Variants in SUGCT observed in about 807,000 individuals in gnomAD.
The protein encoded by SUGCT is succinyl-CoA:glutarate CoA-transferase.
Under a neutral mutation model 55.0 loss-of-function variants are expected in SUGCT, and 41 were observed. The ratio of observed to expected loss-of-function variants is 0.74; its 90% confidence interval spans 0.58 to 0.97. The LOEUF is 0.97. Ranked by LOEUF, SUGCT falls within the 50% of genes least tolerant of loss-of-function variation. The pLI is 0.00. For missense variants in SUGCT, 568 were observed against 547.8 expected, an observed-to-expected ratio of 1.04 and a Z score of -0.37; for synonymous variants, 187 against 200.4, an observed-to-expected ratio of 0.93 and a Z score of 0.56.
chr7:40,933,625 T>C, the SUGCT span, among the ~76,000 whole-genome samples: 1 of 152,176 alleles, frequency 6.6e-6, no homozygotes, highest in Non-Finnish European at 1.5e-5. Context: ...GGAGGCTTTG[T>C]TCATTTCTTT....
At chr7:40,520,909 G>T (rs1191287637) in intron 12 of SUGCT, among the ~76,000 whole-genome samples, 2 of 152,122 alleles carry the variant, frequency 1.3e-5, no homozygotes, top group Admixed American at 6.6e-5. Context: ...CCTTCAGATT[G>T]TCAGGTATAC....
chr7:40,334,747 T>C (rs1450289026), intron 9 of SUGCT, among the ~76,000 whole-genome samples: 3 of 152,250 alleles, frequency 2.0e-5, no homozygotes, highest in African/African-American at 7.2e-5. Context: ...GCGGAAGCTC[T>C]TTTGTTTAAT....
intron 9 of SUGCT, among the ~76,000 whole-genome samples, chr7:40,341,160 T>C (rs1797022900): frequency 6.6e-6 from 1 of 152,214 alleles, no homozygotes. Context: ...TACAATCTAT[T>C]GACTGTTGAA....
intron 12 of SUGCT, among the ~76,000 whole-genome samples, chr7:40,694,588 A>G (rs984663982): frequency 6.6e-6 from 1 of 152,146 alleles, no homozygotes; most frequent in Non-Finnish European, 1.5e-5. Context: ...CTTATCCCAG[A>G]TTTTGTGGGG....
chr7:40,436,190 A>G lies in SUGCT; in HGVS notation c.817-13097A>G, dbSNP rs529219904. Among the ~76,000 whole-genome samples, 4 of 151,186 alleles carry G rather than the reference A, an allele frequency of 2.6e-5. 1 individual carries two copies. The highest frequency in any genetic ancestry group is 3.4e-3 in the Middle Eastern group (1 of 290). On this transcript the variant is annotated intron_variant, in intron 9 of 13. Coordinates refer to ENST00000335693, the MANE Select transcript of SUGCT (RefSeq NM_001193313.2). ...ACTCCTGACCTCAGGTGATCCTCCC[A>G]CCTCTGCCTCCCAAAGTGCTGGGAT...
chr7:40,885,776 A>G, the SUGCT span, among the ~76,000 whole-genome samples: 1 of 152,034 alleles, frequency 6.6e-6, no homozygotes, highest in Admixed American at 6.5e-5. Context: ...GGCCACATAA[A>G]ACACTTCCCT....
At chr7:40,568,998 C>G (rs1017175480) in intron 12 of SUGCT, among the ~76,000 whole-genome samples, 2 of 152,108 alleles carry the variant, frequency 1.3e-5, no homozygotes, top group African/African-American at 4.8e-5. Context: ...TAACACCTAC[C>G]TTTAAGGATT....
At position 40,496,373 on chromosome 7, in the gene SUGCT, T is replaced by C; in HGVS notation, c.1076T>C (p.Phe359Ser). 1 of 1,611,412 alleles carries C rather than the reference T, an allele frequency of 6.2e-7. No individual in the cohort carries two copies. Among genetic ancestry groups the C allele is most frequent in the Non-Finnish European group, 8.5e-7 (1 of 1,178,276 alleles). ...YGPINNMKNVFAEPQVLHNGL... is the reference protein window; with the variant it reads ...YGPINNMKNVSAEPQVLHNGL... ...CCAATCAACAACATGAAGAATGTAT[T>C]TGCAGAACCTCAGGTTTGTTTTTGA... The change falls in exon 12 of 14, where the codon TTT becomes TCT. Residue 359 changes from phenylalanine (F) to serine (S), a missense_variant. By Grantham distance (155) the Phe-to-Ser change is radical. Coordinates refer to ENST00000335693, the MANE Select transcript of SUGCT (RefSeq NM_001193313.2).
At chr7:40,963,472 A>G in the SUGCT span, among the ~76,000 whole-genome samples, 2 of 152,210 alleles carry the variant, frequency 1.3e-5, no homozygotes, top group Non-Finnish European at 2.9e-5. Context: ...GAATGAAATA[A>G]TTACATCTGT....
intron 11 of SUGCT, among the ~76,000 whole-genome samples, chr7:40,489,873 G>A (rs1252557471): frequency 4.6e-5 from 7 of 152,120 alleles, no homozygotes; most frequent in Admixed American, 4.6e-4. Context: ...GATCCTTGTG[G>A]TTGTGTTTTG....
chr7:40,295,003 G>C (rs532185337), intron 8 of SUGCT, among the ~76,000 whole-genome samples: 1 of 152,296 alleles, frequency 6.6e-6, no homozygotes, highest in South Asian at 2.1e-4. Flanking sequence ...TGTTTTATTA[G>C]TGTACGTGCA....
chr7:40,899,174 C>G, the SUGCT span, among the ~76,000 whole-genome samples: 1 of 152,184 alleles, frequency 6.6e-6, no homozygotes, highest in Non-Finnish European at 1.5e-5. Context: ...TTAACTTGTG[C>G]TGTGCACAGC....
intron 8 of SUGCT, among the ~76,000 whole-genome samples, chr7:40,308,988 CAG>C (rs1249751035): frequency 1.3e-5 from 2 of 152,186 alleles, no homozygotes; most frequent in African/African-American, 4.8e-5. Flanking sequence ...GCCTGGGCAA[CAG>C]AGTTAGACTC....
At chr7:40,594,852 G>A (rs1258623691) in intron 12 of SUGCT, among the ~76,000 whole-genome samples, 1 of 152,072 alleles carries the variant, frequency 6.6e-6, no homozygotes, top group Non-Finnish European at 1.5e-5. Context: ...CCATCTGCTC[G>A]GCTTCCCTGC....
intron 8 of SUGCT, among the ~76,000 whole-genome samples, chr7:40,290,145 G>GA (rs1413784805): frequency 6.6e-6 from 1 of 151,872 alleles, no homozygotes; most frequent in African/African-American, 2.4e-5. Context: ...CACAGAATTG[G>GA]AAAAAACTAC....
intron 13 of SUGCT, among the ~76,000 whole-genome samples, chr7:40,751,380 C>G (rs1348447255): frequency 1.3e-5 from 2 of 151,952 alleles, no homozygotes; most frequent in Non-Finnish European, 2.9e-5. Context: ...AGCTTAAAGC[C>G]GGCGGTCAGG....
intron 13 of SUGCT, among the ~76,000 whole-genome samples, chr7:40,789,536 A>G (rs1446872347): frequency 2.0e-5 from 3 of 152,088 alleles, no homozygotes; most frequent in African/African-American, 4.8e-5. Context: ...CTATTGATGG[A>G]CATTTAGTTT....
chr7:40,535,102 C>A (rs1024943231), intron 12 of SUGCT, among the ~76,000 whole-genome samples: 1 of 152,124 alleles, frequency 6.6e-6, no homozygotes, highest in African/African-American at 2.4e-5. Flanking sequence ...TAGTCTATCT[C>A]AAAATTTTTA....
At chr7:41,027,927 C>T in the SUGCT span, among the ~76,000 whole-genome samples, 46 of 152,164 alleles carry the variant, frequency 3.0e-4, no homozygotes, top group Non-Finnish European at 2.9e-4. Flanking sequence ...GACGCCATAC[C>T]TTCTGCCTCT....
Sources: gnomAD v4.1 joint callset for allele counts (sites outside exome capture counted in the v4.1 genomes callset) on GRCh38, gnomAD v4.1.1 for gene constraint, MANE v1.5 for transcripts, NCBI Gene and HGNC (gene_info 2026-07-23, HGNC 2026-07-21) for gene names.